The following TNFRSF8 variants were observed in gnomAD, a reference collection of about 807,000 sequenced individuals.
The protein encoded by TNFRSF8 is TNF receptor superfamily member 8.
TNFRSF8 carries 26 observed loss-of-function variants against 70.8 expected under a neutral mutation model. The observed-to-expected ratio is 0.37, with a 90% CI of 0.27 to 0.51. TNFRSF8 has a LOEUF of 0.51. Ranked by LOEUF, TNFRSF8 falls within the 20% of genes least tolerant of loss-of-function variation. TNFRSF8 has a pLI of 0.94. For synonymous variants in TNFRSF8, 356 were observed against 339.2 expected (o/e 1.05, Z -0.54); for missense variants, 720 against 807.9 (o/e 0.89, Z 1.32).
Position 12,110,615 on chromosome 1 carries a change from TGA to T in TNFRSF8, c.676+414_676+415del, listed in dbSNP as rs1641612509. On this transcript the variant is annotated intron_variant, in intron 6 of 14. Transcript: ENST00000263932. The surrounding 1 kb of genome is among the most constrained non-coding windows in gnomAD (Gnocchi z 4.0). ...CAGTCATTTTTCTTTTTCTTTTTTT[TGA>T]GACGGAGTTTCGCTCATGTTGCCCA... Among the ~76,000 whole-genome samples the T allele has an allele frequency of 6.6e-6, 1 of 152,220 alleles. No individual in the cohort carries two copies. Among genetic ancestry groups the T allele is most frequent in the South Asian group, 2.1e-4 (1 of 4,830 alleles).
At position 12,143,039 on chromosome 1, in the gene TNFRSF8, A is replaced by G. The variant is rs1315369518; in HGVS notation, c.*508A>G. On this transcript the variant is annotated 3_prime_UTR_variant, in exon 15 of 15. Transcript: ENST00000263932. This position sits in a 1 kb window ranked among gnomAD's most constrained non-coding sequence, Gnocchi z 4.1. ...TGTGGCCCCCAGTGGGCATGGAGCC[A>G]GTGCCTGTGGTTGTTTCTCCAGAGT... 4 of 155,766 alleles carry G rather than the reference A, an allele frequency of 2.6e-5. No homozygotes were observed. The highest frequency in any genetic ancestry group is 9.6e-5 in the African/African-American group (4 of 41,514). 9.6% of individuals were successfully genotyped at this position (155,766 alleles called of 1,614,324 possible). A position where few individuals can be genotyped will look rare whatever the true frequency, so the allele number is the denominator to read the frequency against.
chr1:12,127,083 G>A (rs902048931), intron 12 of TNFRSF8, among the ~76,000 whole-genome samples: 3 of 152,172 alleles, frequency 2.0e-5, no homozygotes, highest in African/African-American at 7.2e-5. Context: ...CGTCTATACA[G>A]CGTGTGTCTT....
rs941562513 is a variant in TNFRSF8, at chr1:12,142,782, C to T, written c.*251C>T. ...AAGAGACAGTCCAAGGGGACTGGAT[C>T]CCAGCAGTGATGTTGGTTGAGGCAG... On this transcript the variant is annotated 3_prime_UTR_variant, in exon 15 of 15. Coordinates refer to ENST00000263932, the MANE Select transcript of TNFRSF8 (RefSeq NM_001243.5). The surrounding 1 kb of genome is among the most constrained non-coding windows in gnomAD (Gnocchi z 5.0). 3.6e-5 allele frequency: 18 copies of T among 494,620 alleles called. No homozygotes were observed. Among genetic ancestry groups the T allele is most frequent in the Admixed American group, 2.1e-4 (6 of 28,440 alleles). 30.6% of individuals were successfully genotyped at this position (494,620 alleles called of 1,614,324 possible).
At chr1:12,124,075 G>C (rs1330622824) in intron 10 of TNFRSF8, among the ~76,000 whole-genome samples, 1 of 152,112 alleles carries the variant, frequency 6.6e-6, no homozygotes, top group Admixed American at 6.5e-5. Flanking sequence ...ACCCATCTTG[G>C]CTCACTGCAA....
At chr1:12,137,548 G>GTTTTTTTTTTT (rs553381567) in intron 13 of TNFRSF8, among the ~76,000 whole-genome samples, 1 of 131,478 alleles carries the variant, frequency 7.6e-6, no homozygotes, top group Non-Finnish European at 1.6e-5. Context: ...CTGTTTTTTT[G>GTTTTTTTTTTT]TTTTTTTTTG....
chr1:12,100,030 G>A (rs1238416800), intron 3 of TNFRSF8, among the ~76,000 whole-genome samples: 3 of 152,020 alleles, frequency 2.0e-5, no homozygotes, highest in Admixed American at 6.6e-5. Flanking sequence ...TTAGCTGGGC[G>A]TGGTGGCACG....
At chr1:12,086,956 G>T (rs1011115783) in intron 2 of TNFRSF8, among the ~76,000 whole-genome samples, 2 of 151,666 alleles carry the variant, frequency 1.3e-5, no homozygotes, top group African/African-American at 4.8e-5. Context: ...GAACTTTGTG[G>T]GGGACACAAT....
At position 12,108,804 on chromosome 1, in the gene TNFRSF8, C is replaced by T. The variant is rs573729329; in HGVS notation, c.422-762C>T. The stretch of plus-strand genomic sequence containing the variant: ...CTCCAGCCTGGGCGACAGAGTAAGA[C>T]TCTGTCTCAAATAAATAAATAAACA... On this transcript the variant is annotated intron_variant, in intron 4 of 14. Transcript: ENST00000263932. This position sits in a 1 kb window ranked among gnomAD's most constrained non-coding sequence, Gnocchi z 4.0. 6.6e-6 allele frequency among the ~76,000 whole-genome samples: 1 copy of T among 152,252 alleles called. No homozygotes were observed. The highest frequency in any genetic ancestry group is 2.1e-4 in the South Asian group (1 of 4,822).
At chr1:12,106,145 C>T (rs1208402498) in intron 4 of TNFRSF8, among the ~76,000 whole-genome samples, 1 of 152,090 alleles carries the variant, frequency 6.6e-6, no homozygotes, top group East Asian at 1.9e-4. Context: ...ATCAGAGTCT[C>T]AGGATGTGAT....
In TNFRSF8 at chr1:12,138,897, C is replaced by T. The variant is rs899469376; in HGVS notation, c.1543+461C>T. On this transcript the variant is annotated intron_variant, in intron 14 of 14. Transcript: ENST00000263932. This position sits in a 1 kb window ranked among gnomAD's most constrained non-coding sequence, Gnocchi z 5.7. ...GCTCAGAGGGTGAAGTGATTTTCCCCATTGCATGGCTACTAAGTGGCACAG... is the reference window on the plus strand; with the variant it reads ...GCTCAGAGGGTGAAGTGATTTTCCCTATTGCATGGCTACTAAGTGGCACAG... Among the ~76,000 whole-genome samples the T allele has an allele frequency of 7.1e-6, 1 of 141,172 alleles. No homozygotes were observed. The highest frequency in any genetic ancestry group is 7.0e-5 in the Admixed American group (1 of 14,264). 92.6% of individuals were successfully genotyped at this position (141,172 alleles called of 152,430 possible).
intron 4 of TNFRSF8, among the ~76,000 whole-genome samples, chr1:12,106,977 G>A (rs1224490884): frequency 6.6e-6 from 1 of 152,204 alleles, no homozygotes; most frequent in African/African-American, 2.4e-5. Flanking sequence ...CCTGCTGGAG[G>A]GACTGTCTGG....
chr1:12,084,584 G>A, intron 2 of TNFRSF8, 33 bp downstream of exon 2: 1 of 1,594,210 alleles, frequency 6.3e-7, no homozygotes, highest in Non-Finnish European at 8.6e-7. Flanking sequence ...GGGAGAAGGG[G>A]GGAAATTTGT....
Position 12,109,850 on chromosome 1 carries a change from C to T in TNFRSF8, c.513-191C>T, listed in dbSNP as rs1641596015. Among the ~76,000 whole-genome samples, 1 of 152,172 alleles carries T rather than the reference C, an allele frequency of 6.6e-6. No individual in the cohort carries two copies. Among genetic ancestry groups the T allele is most frequent in the African/African-American group, 2.4e-5 (1 of 41,438 alleles). On this transcript the variant is annotated intron_variant, in intron 5 of 14. Coordinates refer to ENST00000263932, the MANE Select transcript of TNFRSF8 (RefSeq NM_001243.5). This position sits in a 1 kb window ranked among gnomAD's most constrained non-coding sequence, Gnocchi z 4.4. ...AGGCCCTAGGGTGTGCCCAGCCCTGCCCTGAGCACATGGGAGACCCACAGG... is the reference window on the plus strand; with the variant it reads ...AGGCCCTAGGGTGTGCCCAGCCCTGTCCTGAGCACATGGGAGACCCACAGG...
Position 12,112,620 on chromosome 1 carries a change from T to C in TNFRSF8, c.793+606T>C, listed in dbSNP as rs1455825533. Among the ~76,000 whole-genome samples the C allele has an allele frequency of 1.3e-5, 2 of 152,172 alleles. No homozygotes were observed. The highest frequency in any genetic ancestry group is 4.8e-5 in the African/African-American group (2 of 41,428). The stretch of plus-strand genomic sequence containing the variant: ...TATGTTGCCCAGGCTGCTCTCGAAC[T>C]CCTGGACTCAAATGGTCCTCCCACC... On this transcript the variant is annotated intron_variant, in intron 7 of 14. Coordinates refer to ENST00000263932, the MANE Select transcript of TNFRSF8 (RefSeq NM_001243.5). The surrounding 1 kb of genome is among the most constrained non-coding windows in gnomAD (Gnocchi z 5.3).
chr1:12,089,130 A>T (rs1271465171), intron 2 of TNFRSF8, among the ~76,000 whole-genome samples: 1 of 151,912 alleles, frequency 6.6e-6, no homozygotes. Context: ...TGTTGGATGG[A>T]TGGAGGGATG....
At chr1:12,105,957 A>G (rs1039298726) in intron 4 of TNFRSF8, among the ~76,000 whole-genome samples, 35 of 151,606 alleles carry the variant, frequency 2.3e-4, no homozygotes, top group Non-Finnish European at 4.4e-4. Context: ...AAAAAAAAAA[A>G]AGAAAACTCC....
rs1640682304 is a variant in TNFRSF8 at position 12,063,471 on chromosome 1, G to C, written c.-128G>C. The C allele has an allele frequency of 1.4e-6, 1 of 740,518 alleles. No homozygotes were observed. Among genetic ancestry groups the C allele is most frequent in the Admixed American group, 4.4e-5 (1 of 22,988 alleles). 45.9% of individuals were successfully genotyped at this position (740,518 alleles called of 1,614,324 possible). A position where few individuals can be genotyped will look rare whatever the true frequency, so the allele number is the denominator to read the frequency against. On this transcript the variant is annotated 5_prime_UTR_variant, in exon 1 of 15. Coordinates refer to ENST00000263932, the MANE Select transcript of TNFRSF8 (RefSeq NM_001243.5). The surrounding 1 kb of genome is among the most constrained non-coding windows in gnomAD (Gnocchi z 7.2). Reference sequence around the variant, plus strand: ...GGTGCGGACTAGGTGGCCGCGGCGGGAGTGTGCTGGAGCCTGAAGTCCACG... The same window carrying C: ...GGTGCGGACTAGGTGGCCGCGGCGGCAGTGTGCTGGAGCCTGAAGTCCACG...
At chr1:12,125,090 A>C (rs1641912827) in intron 10 of TNFRSF8, among the ~76,000 whole-genome samples, 1 of 152,222 alleles carries the variant, frequency 6.6e-6, no homozygotes, top group Admixed American at 6.5e-5. Context: ...CAGAAACTGC[A>C]CTTTAACAAG....
Position 12,123,802 on chromosome 1 carries a change from C to G in TNFRSF8, c.1128C>G (p.Ser376=). 2 of 1,573,258 alleles carry G rather than the reference C, an allele frequency of 1.3e-6. No homozygotes were observed. Among genetic ancestry groups the G allele is most frequent in the Non-Finnish European group, 1.7e-6 (2 of 1,158,740 alleles). Residue 376 remains serine (S), a synonymous_variant, in exon 10 of 15, where the codon TCC becomes TCG. Coordinates refer to ENST00000263932, the MANE Select transcript of TNFRSF8 (RefSeq NM_001243.5). ...CCAGCGCTCCCGTCGCTCTCTCCTC[C>G]ACGGGGAAGCCCGTTCTGGATGCAG... ...IPTSAPVALS[S]TGKPVLDAGP... is the part of the protein sequence containing the mutation.
Sources: allele counts gnomAD v4.1 joint callset (sites outside exome capture counted in the v4.1 genomes callset), GRCh38; gene constraint gnomAD v4.1.1; non-coding constraint Gnocchi (gnomAD v3.1); transcripts MANE v1.5; gene names NCBI Gene and HGNC (gene_info 2026-07-23, HGNC 2026-07-21).